PCED1B: variants seen among roughly 807,000 people sequenced by gnomAD.
The protein encoded by PCED1B is PC-esterase domain-containing protein 1B.
For missense variants in PCED1B, 573 were observed against 573.9 expected (o/e 1.00, Z 0.02); for synonymous variants, 251 against 246.1 (o/e 1.02, Z -0.19).
chr12:47,182,257 C>A (rs1942117807), intron 2 of PCED1B, among the ~76,000 whole-genome samples: 1 of 152,140 alleles, frequency 6.6e-6, no homozygotes, highest in South Asian at 2.1e-4. Flanking sequence ...CACTGTGAGT[C>A]ACTGTAAGCA....
At chr12:47,163,084 G>A (rs1941439267) in intron 2 of PCED1B, among the ~76,000 whole-genome samples, 1 of 152,068 alleles carries the variant, frequency 6.6e-6, no homozygotes, top group South Asian at 2.1e-4. Context: ...TCTATTTATT[G>A]ATGTCTTCTT....
At chr12:47,144,994 G>A (rs2137424504) in intron 2 of PCED1B, among the ~76,000 whole-genome samples, 1 of 152,372 alleles carries the variant, frequency 6.6e-6, no homozygotes, top group South Asian at 2.1e-4. Flanking sequence ...CAAAAGCTGA[G>A]ATAGGCTGCA....
At chr12:47,155,081 A>G (rs17222290) in intron 2 of PCED1B, among the ~76,000 whole-genome samples, 36,194 of 152,082 alleles carry the variant, frequency 0.24, 5,331 homozygotes, top group Non-Finnish European at 0.33. Flanking sequence ...TCTCTTAGGA[A>G]CAGATGTGTT....
intron 2 of PCED1B, among the ~76,000 whole-genome samples, chr12:47,186,932 T>C (rs1404817): frequency 0.45 from 67,609 of 151,554 alleles, 17,252 homozygotes; most frequent in South Asian, 0.59. Flanking sequence ...AACCAATTGA[T>C]AAAGGGAAGG....
At chr12:47,180,552 AC>A (rs1272954538) in intron 2 of PCED1B, among the ~76,000 whole-genome samples, 7 of 152,338 alleles carry the variant, frequency 4.6e-5, no homozygotes, top group African/African-American at 1.7e-4. Flanking sequence ...AGATTTCATG[AC>A]AAAAATGCCA....
At chr12:47,103,460 CACA>C (rs896370106) in intron 1 of PCED1B, among the ~76,000 whole-genome samples, 38 of 152,298 alleles carry the variant, frequency 2.5e-4, no homozygotes, top group African/African-American at 8.9e-4. Context: ...TCACGAGTTG[CACA>C]ACAGTAGTAA....
At chr12:47,098,474 T>C (rs1457370301) in intron 1 of PCED1B, among the ~76,000 whole-genome samples, 1 of 152,112 alleles carries the variant, frequency 6.6e-6, no homozygotes, top group Non-Finnish European at 1.5e-5. Flanking sequence ...ATAACAATAT[T>C]ATTTATTAAT....
intron 2 of PCED1B, chr12:47,187,671 T>C (rs891368743): frequency 5.9e-5 from 9 of 152,516 alleles, no homozygotes; most frequent in African/African-American, 9.6e-5. Context: ...GGAGAGAACA[T>C]TTCATCTCCC....
At chr12:47,098,938 G>A (rs1245481646) in intron 1 of PCED1B, among the ~76,000 whole-genome samples, 1 of 152,156 alleles carries the variant, frequency 6.6e-6, no homozygotes, top group Non-Finnish European at 1.5e-5. Flanking sequence ...TTTGTTTCCT[G>A]CTGGTGGATG....
At chr12:47,170,528 C>T (rs1351697613) in intron 2 of PCED1B, among the ~76,000 whole-genome samples, 2 of 151,038 alleles carry the variant, frequency 1.3e-5, no homozygotes, top group Non-Finnish European at 2.9e-5. Context: ...CGCCCCCCAC[C>T]TCCCTCCCGG....
chr12:47,146,205 A>G (rs1222657851), intron 2 of PCED1B, among the ~76,000 whole-genome samples: 1 of 152,228 alleles, frequency 6.6e-6, no homozygotes, highest in African/African-American at 2.4e-5. Flanking sequence ...TGAAGATGTG[A>G]TTGATTGCTG....
intron 2 of PCED1B, among the ~76,000 whole-genome samples, chr12:47,189,949 C>G (rs1020773939): frequency 1.3e-5 from 2 of 152,172 alleles, no homozygotes; most frequent in African/African-American, 4.8e-5. Context: ...GTCAGCTCTT[C>G]CAGCCCTGCT....
At chr12:47,227,751 A>G (rs2524344) in intron 3 of PCED1B, among the ~76,000 whole-genome samples, 103,741 of 151,624 alleles carry the variant, frequency 0.68, 35,653 homozygotes, top group South Asian at 0.74. Flanking sequence ...GTATCTGGAG[A>G]CCAAGGCACG....
chr12:47,170,640 A>G (rs1941699685), intron 2 of PCED1B, among the ~76,000 whole-genome samples: 1 of 152,146 alleles, frequency 6.6e-6, no homozygotes, highest in Admixed American at 6.5e-5. Context: ...CTCTTTGTCC[A>G]TTTCATTTTT....
intron 1 of PCED1B, among the ~76,000 whole-genome samples, chr12:47,097,653 G>A (rs1264765891): frequency 6.6e-6 from 1 of 152,132 alleles, no homozygotes; most frequent in Non-Finnish European, 1.5e-5. Context: ...TCTAAACTGT[G>A]GTTCAGTGAA....
intron 3 of PCED1B, among the ~76,000 whole-genome samples, chr12:47,222,422 C>CAA (rs750444043): frequency 0.18 from 14,835 of 81,184 alleles, 1,174 homozygotes; most frequent in South Asian, 0.26. Flanking sequence ...AACTCCATCT[C>CAA]AAAAAAAAAA....
intron 2 of PCED1B, among the ~76,000 whole-genome samples, chr12:47,106,630 G>A (rs1171578693): frequency 6.6e-6 from 1 of 152,104 alleles, no homozygotes; most frequent in Non-Finnish European, 1.5e-5. Context: ...AGGGTCCCTG[G>A]GCGCCCATCT....
At chr12:47,177,275 A>G (rs78941271) in intron 2 of PCED1B, among the ~76,000 whole-genome samples, 1 of 152,244 alleles carries the variant, frequency 6.6e-6, no homozygotes, top group African/African-American at 2.4e-5. Flanking sequence ...GCCTACCTAA[A>G]TGATTCACTG....
intron 2 of PCED1B, among the ~76,000 whole-genome samples, chr12:47,132,197 G>A (rs1940162144): frequency 6.6e-6 from 1 of 152,094 alleles, no homozygotes; most frequent in Non-Finnish European, 1.5e-5. Flanking sequence ...TCTCTCATTT[G>A]CATGTGAGCT....
Sources: allele counts gnomAD v4.1 joint callset (sites outside exome capture counted in the v4.1 genomes callset), GRCh38; gene constraint gnomAD v4.1.1; transcripts MANE v1.5; gene names NCBI Gene and HGNC (gene_info 2026-07-23, HGNC 2026-07-21).